The following TRAF2 variants were observed in gnomAD, a reference collection of about 807,000 sequenced individuals.
TRAF2 encodes the protein TNF receptor-associated factor 2.
TRAF2 carries 6 observed loss-of-function variants against 55.6 expected under a neutral mutation model. That is an observed-to-expected ratio of 0.11 (90% CI 0.06 to 0.21). The LOEUF is 0.21. TRAF2 is among the 10% of genes least tolerant of loss of function. The probability of loss-of-function intolerance (pLI) is 1.00; values close to 1 mark genes in which losing one functional copy is unlikely to be tolerated. For missense variants in TRAF2, 561 were observed against 684.5 expected (o/e 0.82, Z 2.01); for synonymous variants, 329 against 276.3 (o/e 1.19, Z -1.89).
intron 7 of TRAF2, among the ~76,000 whole-genome samples, chr9:136,919,680 T>TTCTTCCCTTCGTCCCG (rs17250546): frequency 0.77 from 114,830 of 148,582 alleles, 44,796 homozygotes; most frequent in African/African-American, 0.87. Context: ...TTCCCTCCCC[T>TTCTTCCCTTCGTCCCG]TCTTCCCTTC....
chr9:136,916,872 C>T (rs1850255174), intron 7 of TRAF2, among the ~76,000 whole-genome samples: 1 of 152,168 alleles, frequency 6.6e-6, no homozygotes, highest in Non-Finnish European at 1.5e-5. Flanking sequence ...TGTGTGCCCA[C>T]CTGTCGCCTT....
intron 6 of TRAF2, among the ~76,000 whole-genome samples, chr9:136,911,090 C>T (rs907807010): frequency 2.0e-5 from 3 of 152,140 alleles, no homozygotes; most frequent in Admixed American, 1.3e-4. Flanking sequence ...CTTGTCTGTC[C>T]TGAGGGGGTT....
chr9:136,915,616 T>TC (rs1297312961), intron 6 of TRAF2, among the ~76,000 whole-genome samples: 1 of 151,894 alleles, frequency 6.6e-6, no homozygotes, highest in African/African-American at 2.4e-5. Flanking sequence ...CCATCTTCCA[T>TC]CAGGGACTCG....
Position 136,920,392 on chromosome 9 carries a change from G to A in TRAF2, c.837G>A (p.Thr279=), listed in dbSNP as rs1174759312. 3 of 1,614,134 alleles carry A rather than the reference G, an allele frequency of 1.9e-6. No individual in the cohort carries two copies. The highest frequency in any genetic ancestry group is 1.6e-4 in the Middle Eastern group (1 of 6,062). Reference sequence around the variant, plus strand: ...GGTGCGAGAGCCTGGAGAAGAAGACGGCCACTTTTGAGAACATTGTCTGCG... The same window carrying A: ...GGTGCGAGAGCCTGGAGAAGAAGACAGCCACTTTTGAGAACATTGTCTGCG... ...LQRCESLEKK[T]ATFENIVCVL... is the part of the protein sequence containing the mutation. The change falls in exon 8 of 11, where the codon ACG becomes ACA. Residue 279 remains threonine, a synonymous_variant. Transcript: ENST00000247668.
rs146814023 is a variant in TRAF2, at chr9:136,917,877, G to A, written c.678+1262G>A. On this transcript the variant is annotated intron_variant, in intron 7 of 10. Coordinates refer to ENST00000247668, the MANE Select transcript of TRAF2 (RefSeq NM_021138.4). ...GCGGGAGGTTGCGTAGTGACCACCC[G>A]GGCCTCAGTGGTGCTTGCTGCCGCC... Among the ~76,000 whole-genome samples the A allele has an allele frequency of 6.3e-3, 956 of 152,128 alleles. 11 individuals carry two copies. The highest frequency in any genetic ancestry group is 5.4e-3 in the Non-Finnish European group (366 of 67,982).
chr9:136,918,481 G>C (rs1275959858), intron 7 of TRAF2, among the ~76,000 whole-genome samples: 1 of 151,544 alleles, frequency 6.6e-6, no homozygotes, highest in African/African-American at 2.4e-5. Context: ...GTAGAGATGA[G>C]GTTTCACCAT....
chr9:136,910,543 T>G (rs1414502710), intron 6 of TRAF2, among the ~76,000 whole-genome samples: 1 of 152,186 alleles, frequency 6.6e-6, no homozygotes, highest in African/African-American at 2.4e-5. Flanking sequence ...ATAATACGCA[T>G]GGAAACATTT....
chr9:136,921,938 C>T (rs2131332631), intron 9 of TRAF2, among the ~76,000 whole-genome samples: 1 of 152,368 alleles, frequency 6.6e-6, no homozygotes. Flanking sequence ...CCTTCTTGGG[C>T]TTTGTTGCCA....
chr9:136,886,725 C>T (rs1849459405), intron 1 of TRAF2, 184 bp downstream of exon 1: 1 of 375,438 alleles, frequency 2.7e-6, no homozygotes, highest in Non-Finnish European at 3.7e-6. Context: ...CTCTGAGCCG[C>T]TGGGCCGGAA....
chr9:136,925,969 G>A lies in TRAF2; in HGVS notation c.*68G>A, dbSNP rs7852970. 0.59 allele frequency: 931,182 copies of A among 1,573,294 alleles called. 278,112 individuals carry two copies. The highest frequency in any genetic ancestry group is 0.73 in the East Asian group (32,458 of 44,340). On this transcript the variant is annotated 3_prime_UTR_variant, in exon 11 of 11. Transcript: ENST00000247668. Reference sequence around the variant, plus strand: ...AGCCGGCTCACGGAGGGGCCACCACGCTGGGCCAGGGTCTCACTGTACAAG... The same window carrying A: ...AGCCGGCTCACGGAGGGGCCACCACACTGGGCCAGGGTCTCACTGTACAAG...
At chr9:136,921,750 T>C (rs1317709147) in intron 9 of TRAF2, among the ~76,000 whole-genome samples, 42 of 150,986 alleles carry the variant, frequency 2.8e-4, no homozygotes, top group Admixed American at 2.5e-3. Context: ...GCTCGTGGGG[T>C]CTCCCCTGGA....
intron 9 of TRAF2, among the ~76,000 whole-genome samples, chr9:136,923,610 C>CAA (rs55666712): frequency 0.026 from 1,789 of 67,768 alleles, 77 homozygotes; most frequent in Non-Finnish European, 0.036. Flanking sequence ...GACTCCATCT[C>CAA]AAAAAAAAAA....
chr9:136,908,315 G>A (rs1319607787), intron 5 of TRAF2, 84 bp downstream of exon 5: 8 of 1,410,236 alleles, frequency 5.7e-6, no homozygotes, highest in Admixed American at 5.4e-5. Flanking sequence ...CTGCGGCTGC[G>A]TCGGCCCCTT....
chr9:136,906,339 A>ACT (rs910053181), intron 4 of TRAF2, among the ~76,000 whole-genome samples: 10 of 152,156 alleles, frequency 6.6e-5, no homozygotes, highest in South Asian at 6.2e-4. Context: ...GGTTGAATGG[A>ACT]CTCATAGTTC....
At chr9:136,910,325 T>C (rs1356726457) in intron 6 of TRAF2, among the ~76,000 whole-genome samples, 4 of 152,226 alleles carry the variant, frequency 2.6e-5, no homozygotes, top group African/African-American at 9.6e-5. Flanking sequence ...GAAATGTTGT[T>C]ACTGACTTTG....
At chr9:136,912,979 A>G (rs1457321548) in intron 6 of TRAF2, among the ~76,000 whole-genome samples, 2 of 152,156 alleles carry the variant, frequency 1.3e-5, no homozygotes, top group Admixed American at 1.3e-4. Context: ...CTAAAAATAC[A>G]AAAATTAGCC....
intron 1 of TRAF2, among the ~76,000 whole-genome samples, chr9:136,897,936 G>A (rs562439694): frequency 7.0e-5 from 10 of 142,066 alleles, no homozygotes; most frequent in Non-Finnish European, 1.2e-4. Flanking sequence ...GCCAGCCTCA[G>A]GTGTGCTACG....
In TRAF2 at chr9:136,920,298, T is replaced by A; in HGVS notation, c.743T>A (p.Leu248Gln). The A allele has an allele frequency of 6.2e-7, 1 of 1,613,846 alleles. No homozygotes were observed. The highest frequency in any genetic ancestry group is 8.5e-7 in the Non-Finnish European group (1 of 1,180,028). Residue 248 changes from leucine to glutamine, a missense_variant, in exon 8 of 11, where the codon CTG (leucine) becomes CAG (glutamine). Leu to Gln is a moderately radical substitution (Grantham distance 113). Transcript: ENST00000247668. ...CTGCGGGAGCACCTGGCCATGCTACTGAGCTCGGTGCTGGAGGCAAAGCCC... is the reference window on the plus strand; with the variant it reads ...CTGCGGGAGCACCTGGCCATGCTACAGAGCTCGGTGCTGGAGGCAAAGCCC... ...QWLREHLAML[L>Q]SSVLEAKPLL... is the part of the protein sequence containing the mutation.
intron 3 of TRAF2, among the ~76,000 whole-genome samples, 200 bp downstream of exon 3, chr9:136,899,872 A>G (rs1224630487): frequency 2.0e-5 from 3 of 151,348 alleles, no homozygotes; most frequent in African/African-American, 7.3e-5. Context: ...AAAAAGCAAA[A>G]AACTTACCAG....
Sources: gnomAD v4.1 joint callset for allele counts (sites outside exome capture counted in the v4.1 genomes callset) on GRCh38, gnomAD v4.1.1 for gene constraint, MANE v1.5 for transcripts, NCBI Gene and HGNC (gene_info 2026-07-23, HGNC 2026-07-21) for gene names.